CTBS: variants seen among roughly 807,000 people sequenced by gnomAD.
CTBS encodes chitobiase.
Under a neutral mutation model 44.3 loss-of-function variants are expected in CTBS, and 35 were observed. That is an observed-to-expected ratio of 0.79 (90% CI 0.60 to 1.05). CTBS has a LOEUF of 1.05. CTBS is among the 50% of genes least tolerant of loss of function. The pLI, the probability that CTBS is intolerant of heterozygous loss-of-function variation, is 0.00. For synonymous variants in CTBS, 143 were observed against 168.0 expected (o/e 0.85, Z 1.15); for missense variants, 458 against 475.3 (o/e 0.96, Z 0.34).
chr1:84,564,727 A>G (rs772558114), intron 4 of CTBS, among the ~76,000 whole-genome samples: 2 of 152,148 alleles, frequency 1.3e-5, no homozygotes, highest in Non-Finnish European at 2.9e-5. Flanking sequence ...CGTAATTTTA[A>G]CAGAATAAGT....
At chr1:84,567,970 C>T (rs997347376) in intron 3 of CTBS, among the ~76,000 whole-genome samples, 1 of 152,170 alleles carries the variant, frequency 6.6e-6, no homozygotes, top group African/African-American at 2.4e-5. Context: ...CATACTCCTA[C>T]AGAATAGTTT....
chr1:84,563,534 T>C, intron 5 of CTBS, 116 bp from the exon 6 acceptor site: 1 of 776,666 alleles, frequency 1.3e-6, no homozygotes, highest in Non-Finnish European at 1.8e-6. Context: ...AACCTGACTA[T>C]ACAGAAAAAA....
At chr1:84,558,512 C>G (rs1005068326) in intron 6 of CTBS, among the ~76,000 whole-genome samples, 1 of 150,842 alleles carries the variant, frequency 6.6e-6, no homozygotes, top group Non-Finnish European at 1.5e-5. Flanking sequence ...GGGATGGTCT[C>G]GATCTCCTGA....
rs1352448265 is a variant in CTBS at position 84,550,838 on chromosome 1, A to C, written c.*4161T>G. ...AAATTTTAAGTAGTTTTCCTGTATT[A>C]GAATTATTAAGTCTGATAAACCACT... On this transcript the variant is annotated 3_prime_UTR_variant, in exon 7 of 7. Transcript: ENST00000370630. 2 of 996,716 alleles carry C rather than the reference A, an allele frequency of 2.0e-6. No homozygotes were observed. The highest frequency in any genetic ancestry group is 1.7e-5 in the African/African-American group (1 of 57,660). 61.7% of individuals were successfully genotyped at this position (996,716 alleles called of 1,614,324 possible). A position where few individuals can be genotyped will look rare whatever the true frequency, so the allele number is the denominator to read the frequency against.
chr1:84,559,547 A>C (rs901804129), intron 6 of CTBS, among the ~76,000 whole-genome samples: 4 of 152,064 alleles, frequency 2.6e-5, no homozygotes, highest in African/African-American at 4.8e-5. Context: ...ACTTACACCT[A>C]GGAGGCAGAG....
In CTBS at chr1:84,574,430, C is replaced by G; in HGVS notation, c.-15G>C. 1.3e-6 allele frequency: 2 copies of G among 1,515,506 alleles called. No individual in the cohort carries two copies. Among genetic ancestry groups the G allele is most frequent in the Non-Finnish European group, 1.8e-6 (2 of 1,133,326 alleles). 93.9% of individuals were successfully genotyped at this position (1,515,506 alleles called of 1,614,324 possible). On this transcript the variant is annotated 5_prime_UTR_variant, in exon 1 of 7. Transcript: ENST00000370630. ...GGCCGGGACATAGCAGCAGGTCTAG[C>G]GGGCCGGAGTGGGTTCCTACCGCCT...
At chr1:84,557,644 A>G (rs146078361) in intron 6 of CTBS, among the ~76,000 whole-genome samples, 2,713 of 151,644 alleles carry the variant, frequency 0.018, 73 homozygotes, top group African/African-American at 0.06. Context: ...TCATGAGGTC[A>G]GGAGATCGAG....
At chr1:84,559,805 C>T (rs1287768281) in intron 6 of CTBS, among the ~76,000 whole-genome samples, 1 of 152,232 alleles carries the variant, frequency 6.6e-6, no homozygotes, top group Non-Finnish European at 1.5e-5. Flanking sequence ...AATGTGTTGG[C>T]CAGGTGCAGT....
chr1:84,554,913 T>C lies in CTBS; in HGVS notation c.*86A>G, dbSNP rs1684384038. 1 of 1,040,168 alleles carries C rather than the reference T, an allele frequency of 9.6e-7. No individual in the cohort carries two copies. The highest frequency in any genetic ancestry group is 2.3e-5 in the Admixed American group (1 of 44,178). The allele number at this position is 1,040,168 out of a possible 1,614,324, so 64.4% of individuals were successfully genotyped here. A position where few individuals can be genotyped will look rare whatever the true frequency, so the allele number is the denominator to read the frequency against. ...TTTTTTAGTATACGGATAACAAAAG[T>C]ATATAGCAACATAATAAAAATGCAA... On this transcript the variant is annotated 3_prime_UTR_variant, in exon 7 of 7. Transcript: ENST00000370630.
chr1:84,564,548 G>A (rs1488547852), intron 4 of CTBS, among the ~76,000 whole-genome samples: 1 of 152,142 alleles, frequency 6.6e-6, no homozygotes, highest in Non-Finnish European at 1.5e-5. Context: ...TTTGGTTGTT[G>A]ATTTATTTAT....
chr1:84,557,141 T>C (rs1684459054), intron 6 of CTBS, among the ~76,000 whole-genome samples: 1 of 152,188 alleles, frequency 6.6e-6, no homozygotes, highest in East Asian at 1.9e-4. Context: ...GAATATTGAG[T>C]CCAAGATGAG....
intron 6 of CTBS, among the ~76,000 whole-genome samples, chr1:84,558,513 G>A (rs544934461): frequency 6.6e-6 from 1 of 150,420 alleles, no homozygotes; most frequent in African/African-American, 2.4e-5. Context: ...GGATGGTCTC[G>A]ATCTCCTGAC....
At position 84,550,295 on chromosome 1, in the gene CTBS, T is replaced by C; in HGVS notation, c.*4704A>G. 4.7e-6 allele frequency: 2 copies of C among 424,180 alleles called. No homozygotes were observed. Among genetic ancestry groups the C allele is most frequent in the Non-Finnish European group, 8.3e-6 (2 of 240,404 alleles). The allele number at this position is 424,180 out of a possible 1,614,324, so 26.3% of individuals were successfully genotyped here. On this transcript the variant is annotated 3_prime_UTR_variant, in exon 7 of 7. Coordinates refer to ENST00000370630, the MANE Select transcript of CTBS (RefSeq NM_004388.3). Reference sequence around the variant, plus strand: ...AAATAGTAATTTCTCCAAAGCAATTTAGTTTACTTTACGGAATAGGTTATT... The same window carrying C: ...AAATAGTAATTTCTCCAAAGCAATTCAGTTTACTTTACGGAATAGGTTATT...
intron 6 of CTBS, 86 bp from the exon 7 acceptor site, chr1:84,555,285 G>A (rs1293144751): frequency 1.9e-6 from 2 of 1,032,642 alleles, no homozygotes; most frequent in South Asian, 2.0e-5. Flanking sequence ...GAAGTATACA[G>A]TACAGTAAGA....
Position 84,552,958 on chromosome 1 carries a change from C to G in CTBS, c.*2041G>C. The stretch of plus-strand genomic sequence containing the variant: ...GACAGTTAAAGCGGTTACAAAAACC[C>G]TGTTTACATGACAACTATGATGTAC... On this transcript the variant is annotated 3_prime_UTR_variant, in exon 7 of 7. Transcript: ENST00000370630. 1 of 966,822 alleles carries G rather than the reference C, an allele frequency of 1.0e-6. No individual in the cohort carries two copies. Among genetic ancestry groups the G allele is most frequent in the Non-Finnish European group, 1.5e-6 (1 of 656,370 alleles). The allele number at this position is 966,822 out of a possible 1,614,324, so 59.9% of individuals were successfully genotyped here.
In CTBS at chr1:84,551,877, G is replaced by C. The variant is rs368518965; in HGVS notation, c.*3122C>G. ...TAATAAAAATGCCCCCAGAGGCTTG[G>C]ATTATGACTCCCCTCATGCTGTTTT... is the stretch of plus-strand genomic sequence containing the variant. On this transcript the variant is annotated 3_prime_UTR_variant, in exon 7 of 7. Transcript: ENST00000370630. 18 of 152,204 alleles carry C rather than the reference G, an allele frequency of 1.2e-4. No individual in the cohort carries two copies. Among genetic ancestry groups the C allele is most frequent in the African/African-American group, 4.3e-4 (18 of 41,556 alleles). The allele number at this position is 152,204 out of a possible 1,614,324, so 9.4% of individuals were successfully genotyped here. A position where few individuals can be genotyped will look rare whatever the true frequency, so the allele number is the denominator to read the frequency against.
chr1:84,565,503 T>C (rs895725520), intron 4 of CTBS, among the ~76,000 whole-genome samples: 15 of 152,206 alleles, frequency 9.9e-5, no homozygotes, highest in Admixed American at 9.8e-4. Flanking sequence ...AAGCATGTGA[T>C]TTCATGACAA....
intron 3 of CTBS, among the ~76,000 whole-genome samples, chr1:84,569,158 CA>C (rs755892954): frequency 2.0e-5 from 3 of 152,106 alleles, no homozygotes; most frequent in Non-Finnish European, 4.4e-5. Context: ...ACCCCGTCTT[CA>C]AAAAAACTCA....
At position 84,551,078 on chromosome 1, in the gene CTBS, C is replaced by T; in HGVS notation, c.*3921G>A. 2 of 985,248 alleles carry T rather than the reference C, an allele frequency of 2.0e-6. No homozygotes were observed. Among genetic ancestry groups the T allele is most frequent in the Non-Finnish European group, 2.4e-6 (2 of 829,856 alleles). 61.0% of individuals were successfully genotyped at this position (985,248 alleles called of 1,614,324 possible). On this transcript the variant is annotated 3_prime_UTR_variant, in exon 7 of 7. Coordinates refer to ENST00000370630, the MANE Select transcript of CTBS (RefSeq NM_004388.3). ...CTTAGTAGAGGCTTCTGGGCATGCT[C>T]TATTTGGTGAGAATTGTGTACAACT...
Sources: allele counts gnomAD v4.1 joint callset (sites outside exome capture counted in the v4.1 genomes callset), GRCh38; gene constraint gnomAD v4.1.1; transcripts MANE v1.5; gene names NCBI Gene and HGNC (gene_info 2026-07-23, HGNC 2026-07-21).